PTPRN2: variants seen among roughly 807,000 people sequenced by gnomAD.
The protein encoded by PTPRN2 is receptor-type tyrosine-protein phosphatase N2.
A neutral mutation model predicts 118.8 loss-of-function variants in PTPRN2; 74 were observed. The observed-to-expected ratio is 0.62, with a 90% CI of 0.52 to 0.76. The LOEUF is 0.76. Among genes scored for constraint, PTPRN2 ranks in the 30% least tolerant of loss-of-function variants. The probability of loss-of-function intolerance (pLI) is 0.00; values close to 1 mark genes in which losing one functional copy is unlikely to be tolerated. For synonymous variants in PTPRN2, 641 were observed against 608.0 expected (o/e 1.05, Z -0.80); for missense variants, 1,481 against 1,394.4 (o/e 1.06, Z -0.99).
intron 12 of PTPRN2, chr7:157,862,759 G>A (rs1186630074): frequency 6.6e-6 from 1 of 152,346 alleles, no homozygotes; most frequent in African/African-American, 2.4e-5. Flanking sequence ...TTAGAGGCAC[G>A]GATGCCACGT....
chr7:157,625,343 A>G (rs1803500532), intron 14 of PTPRN2, among the ~76,000 whole-genome samples: 1 of 152,254 alleles, frequency 6.6e-6, no homozygotes, highest in African/African-American at 2.4e-5. Flanking sequence ...ATGCTTATCA[A>G]TCAATGAGAG....
chr7:158,342,421 TA>T (rs1333698769), intron 2 of PTPRN2, among the ~76,000 whole-genome samples: 1 of 91,900 alleles, frequency 1.1e-5, no homozygotes, highest in African/African-American at 4.8e-5. Flanking sequence ...ACTCTCACCA[TA>T]AGAGCTGACA....
chr7:158,252,281 CA>C (rs1796735645), intron 3 of PTPRN2, among the ~76,000 whole-genome samples: 1 of 152,178 alleles, frequency 6.6e-6, no homozygotes, highest in African/African-American at 2.4e-5. Context: ...GCTCCTGCCA[CA>C]CCACTCCCAT....
chr7:158,184,518 G>C (rs1266679609), intron 5 of PTPRN2, among the ~76,000 whole-genome samples: 1 of 152,206 alleles, frequency 6.6e-6, no homozygotes, highest in Non-Finnish European at 1.5e-5. Flanking sequence ...CAAAGGTTAT[G>C]TAATCTGAAT....
intron 2 of PTPRN2, among the ~76,000 whole-genome samples, chr7:158,337,072 A>G (rs200742698): frequency 6.9e-3 from 395 of 57,196 alleles, no homozygotes; most frequent in East Asian, 0.011. Flanking sequence ...AAGAGCTGAC[A>G]CCCGCAGACG....
At chr7:158,471,109 T>G (rs2129444217) in intron 2 of PTPRN2, among the ~76,000 whole-genome samples, 1 of 152,330 alleles carries the variant, frequency 6.6e-6, no homozygotes, top group East Asian at 1.9e-4. Flanking sequence ...TAAATTGCAC[T>G]CCTGTCCAAC....
At chr7:158,164,434 G>A (rs1822723060) in intron 6 of PTPRN2, among the ~76,000 whole-genome samples, 1 of 139,604 alleles carries the variant, frequency 7.2e-6, no homozygotes, top group Middle Eastern at 3.6e-3. Flanking sequence ...CGCAGAGCAG[G>A]AGGGTGCGTA....
intron 13 of PTPRN2, among the ~76,000 whole-genome samples, chr7:157,659,442 CA>C (rs1427766699): frequency 2.5e-5 from 1 of 39,708 alleles, no homozygotes; most frequent in Non-Finnish European, 4.7e-5. Flanking sequence ...GCCGCAGGGA[CA>C]GGGGTGGGAG....
chr7:157,878,175 C>T lies in PTPRN2; in HGVS notation c.1788+20498G>A, dbSNP rs561720910. ...TCCCCAAAAGATACCCTCTTGGTGG[C>T]CTGTGGTCCACGGGAGACCTCATGC... On this transcript the variant is annotated intron_variant, in intron 12 of 22. Transcript: ENST00000389418. Among the ~76,000 whole-genome samples, 4 of 152,384 alleles carry T rather than the reference C, an allele frequency of 2.6e-5. No homozygotes were observed. The East Asian group carries it at 7.7e-4, about 29-fold the overall frequency.
intron 6 of PTPRN2, among the ~76,000 whole-genome samples, chr7:158,141,997 G>A (rs1819429011): frequency 6.6e-6 from 1 of 152,208 alleles, no homozygotes; most frequent in Non-Finnish European, 1.5e-5. Flanking sequence ...TCTGGCCGAC[G>A]TTGAGGCCTC....
At chr7:158,312,093 G>A (rs1801819534) in intron 3 of PTPRN2, among the ~76,000 whole-genome samples, 1 of 122,954 alleles carries the variant, frequency 8.1e-6, no homozygotes, top group Non-Finnish European at 1.6e-5. Context: ...TCATTCACAT[G>A]CTCACATGTA....
At chr7:157,776,310 TTCCTCC>T (rs1803235381) in intron 12 of PTPRN2, among the ~76,000 whole-genome samples, 2 of 72,604 alleles carry the variant, frequency 2.8e-5, no homozygotes, top group Admixed American at 1.3e-4. Context: ...CCCTCTCCTC[TTCCTCC>T]CTCTCCTCCT....
intron 15 of PTPRN2, among the ~76,000 whole-genome samples, chr7:157,612,243 G>A (rs1017857702): frequency 6.6e-6 from 1 of 152,222 alleles, no homozygotes; most frequent in Admixed American, 6.5e-5. Flanking sequence ...GGCTGTGTGC[G>A]CTGGTGGCGA....
chr7:157,703,742 C>T (rs570213637), intron 12 of PTPRN2, among the ~76,000 whole-genome samples: 40 of 152,158 alleles, frequency 2.6e-4, no homozygotes, highest in Non-Finnish European at 4.3e-4. Flanking sequence ...TCACTCCCCG[C>T]GGCCGCTTGT....
chr7:158,167,833 A>C (rs1823170781), intron 5 of PTPRN2, among the ~76,000 whole-genome samples: 1 of 152,274 alleles, frequency 6.6e-6, no homozygotes, highest in African/African-American at 2.4e-5. Context: ...GGCATGGGCC[A>C]GGACATCCTT....
intron 2 of PTPRN2, among the ~76,000 whole-genome samples, chr7:158,330,835 A>ACCCACAC: frequency 2.0e-5 from 2 of 100,462 alleles, no homozygotes; most frequent in African/African-American, 6.7e-5. Flanking sequence ...CGTCACTCAC[A>ACCCACAC]TCCACATTCT....
At chr7:157,878,947 G>A (rs1213261597) in intron 12 of PTPRN2, among the ~76,000 whole-genome samples, 3 of 133,408 alleles carry the variant, frequency 2.2e-5, no homozygotes, top group South Asian at 2.5e-4. Context: ...GGGGCTTGAC[G>A]GGTCAGTGTG....
intron 3 of PTPRN2, among the ~76,000 whole-genome samples, chr7:158,262,811 C>T (rs1481349380): frequency 7.0e-6 from 1 of 142,654 alleles, no homozygotes; most frequent in Non-Finnish European, 1.5e-5. Context: ...ACACTACACA[C>T]ATTCACACTG....
chr7:158,324,065 A>G (rs1002340216), intron 2 of PTPRN2, among the ~76,000 whole-genome samples: 10 of 151,964 alleles, frequency 6.6e-5, no homozygotes, highest in African/African-American at 2.4e-4. Flanking sequence ...ACGTGCACAC[A>G]CACACACACA....
Sources: gnomAD v4.1 joint callset for allele counts (sites outside exome capture counted in the v4.1 genomes callset) on GRCh38, gnomAD v4.1.1 for gene constraint, MANE v1.5 for transcripts, NCBI Gene and HGNC (gene_info 2026-07-23, HGNC 2026-07-21) for gene names.